ARMC2: variants seen among roughly 807,000 people sequenced by gnomAD.
The protein encoded by ARMC2 is armadillo repeat-containing protein 2.
Under a neutral mutation model 90.3 loss-of-function variants are expected in ARMC2, and 67 were observed. That is an observed-to-expected ratio of 0.74 (90% CI 0.61 to 0.91). The LOEUF (loss-of-function observed/expected upper bound fraction) is 0.91, where lower values mean the gene tolerates loss of function less well. ARMC2 is among the 40% of genes least tolerant of loss of function. The probability of loss-of-function intolerance (pLI) is 0.00; values close to 1 mark genes in which losing one functional copy is unlikely to be tolerated. For missense variants in ARMC2, 920 were observed against 1,030.9 expected (o/e 0.89, Z 1.47); for synonymous variants, 393 against 393.0 (o/e 1.00, Z 0.00).
At chr6:109,009,494 C>T in the ARMC2 span, 73 of 1,227,224 alleles carry the variant, frequency 5.9e-5, no homozygotes, top group Admixed American at 8.7e-5. Context: ...CGCGCGGAGG[C>T]GGCGAGCGCT....
At chr6:108,857,440 G>T (rs931326364) in intron 2 of ARMC2, among the ~76,000 whole-genome samples, 4 of 152,074 alleles carry the variant, frequency 2.6e-5, no homozygotes, top group Admixed American at 1.3e-4. Context: ...TTTCTACATA[G>T]ATAATCCTGT....
chr6:109,051,275 A>G, the ARMC2 span, among the ~76,000 whole-genome samples: 2 of 152,208 alleles, frequency 1.3e-5, no homozygotes, highest in African/African-American at 2.4e-5. Context: ...ATTTCAGAGG[A>G]TCAGAATATT....
chr6:109,021,153 G>A, the ARMC2 span, among the ~76,000 whole-genome samples: 1 of 151,972 alleles, frequency 6.6e-6, no homozygotes, highest in Non-Finnish European at 1.5e-5. Flanking sequence ...CACCATGACT[G>A]TCTTAATATT....
intron 12 of ARMC2, among the ~76,000 whole-genome samples, chr6:108,949,368 A>G (rs551828090): frequency 1.8e-4 from 27 of 152,268 alleles, no homozygotes; most frequent in Non-Finnish European, 3.8e-4. Context: ...TAATTTGTAT[A>G]TATAAATGCT....
intron 11 of ARMC2, among the ~76,000 whole-genome samples, chr6:108,933,831 G>T (rs1411737148): frequency 6.6e-6 from 1 of 152,002 alleles, no homozygotes; most frequent in Non-Finnish European, 1.5e-5. Flanking sequence ...TTATTTTGAG[G>T]TCTGTTCCTT....
intron 12 of ARMC2, among the ~76,000 whole-genome samples, chr6:108,951,713 G>T (rs905104708): frequency 6.6e-6 from 1 of 152,214 alleles, no homozygotes; most frequent in African/African-American, 2.4e-5. Context: ...GCCCCTCACG[G>T]GGCCCCTGGC....
intron 8 of ARMC2, among the ~76,000 whole-genome samples, chr6:108,904,750 C>G (rs1772504952): frequency 1.3e-5 from 2 of 152,140 alleles, no homozygotes; most frequent in Admixed American, 1.3e-4. Context: ...AATAACTTGA[C>G]TGGAGATCAG....
chr6:109,036,424 A>G, the ARMC2 span, among the ~76,000 whole-genome samples: 1 of 152,212 alleles, frequency 6.6e-6, no homozygotes, highest in Non-Finnish European at 1.5e-5. Context: ...TTTGCCTAAT[A>G]AAAGATGGCA....
At chr6:108,914,199 C>G (rs758525875) in intron 10 of ARMC2, among the ~76,000 whole-genome samples, 12 of 152,012 alleles carry the variant, frequency 7.9e-5, no homozygotes, top group Non-Finnish European at 1.3e-4. Flanking sequence ...CACCCACACA[C>G]ATATGATCAG....
Position 108,848,471 on chromosome 6 carries a change from C to T in ARMC2, c.-119C>T, listed in dbSNP as rs556160478. On this transcript the variant is annotated 5_prime_UTR_variant, in exon 1 of 18. Coordinates refer to ENST00000392644, the MANE Select transcript of ARMC2 (RefSeq NM_032131.6). ...TACCCCGCCCGCGCCAGCGCTGCAT[C>T]CCTGGCCGCTACCCGGGGAGAGCCG... 1 of 152,426 alleles carries T rather than the reference C, an allele frequency of 6.6e-6. No individual in the cohort carries two copies. Among genetic ancestry groups the T allele is most frequent in the South Asian group, 2.1e-4 (1 of 4,844 alleles). The allele number at this position is 152,426 out of a possible 1,614,324, so 9.4% of individuals were successfully genotyped here.
rs778306461 is a variant in ARMC2 at position 108,973,452 on chromosome 6, C to T, written c.2542C>T (p.Leu848Phe). The change falls in exon 18 of 18, where the codon CTT (leucine) becomes TTT (phenylalanine). Residue 848 changes from leucine (L) to phenylalanine (F), a missense_variant. Leu to Phe is a conservative substitution (Grantham distance 22). Transcript: ENST00000392644. Reference sequence around the variant, plus strand: ...AGAATTCAAACCTGTGGCACAGCAGCTTCTAAACCGAATTCAGAGACATCA... The same window carrying T: ...AGAATTCAAACCTGTGGCACAGCAGTTTCTAAACCGAATTCAGAGACATCA... ...ETEFKPVAQQ[L>F]LNRIQRHHTF... 6.2e-7 allele frequency: 1 copy of T among 1,613,868 alleles called. No homozygotes were observed. Among genetic ancestry groups the T allele is most frequent in the Admixed American group, 1.7e-5 (1 of 60,022 alleles).
At chr6:109,012,583 A>G in the ARMC2 span, among the ~76,000 whole-genome samples, 1 of 152,194 alleles carries the variant, frequency 6.6e-6, no homozygotes, top group Non-Finnish European at 1.5e-5. Context: ...GTGGTTCAAG[A>G]TAGGCTTCCT....
intron 13 of ARMC2, 84 bp downstream of exon 13, chr6:108,953,435 A>C: frequency 7.3e-7 from 1 of 1,374,316 alleles, no homozygotes; most frequent in Non-Finnish European, 9.7e-7. Context: ...TGGTGTGATG[A>C]GGATTTTATT....
At chr6:108,960,268 C>T (rs1777895682) in intron 13 of ARMC2, among the ~76,000 whole-genome samples, 1 of 152,222 alleles carries the variant, frequency 6.6e-6, no homozygotes, top group South Asian at 2.1e-4. Flanking sequence ...CTGCCAAGCA[C>T]AGTCTCCACT....
intron 5 of ARMC2, among the ~76,000 whole-genome samples, chr6:108,884,699 A>G (rs2128447289): frequency 6.6e-6 from 1 of 152,316 alleles, no homozygotes; most frequent in South Asian, 2.1e-4. Context: ...CACATGACAG[A>G]TGGCCTTCAA....
intron 3 of ARMC2, among the ~76,000 whole-genome samples, chr6:108,862,848 C>G (rs1185734771): frequency 6.6e-6 from 1 of 152,236 alleles, no homozygotes; most frequent in Non-Finnish European, 1.5e-5. Context: ...CACCAGCAGT[C>G]AGTCAGGGAA....
At chr6:109,015,762 ACT>A in the ARMC2 span, among the ~76,000 whole-genome samples, 2 of 152,148 alleles carry the variant, frequency 1.3e-5, no homozygotes, top group Admixed American at 6.5e-5. Context: ...AAATATACAA[ACT>A]CAAAAAAGGC....
At chr6:108,856,940 C>T (rs960633334) in intron 2 of ARMC2, among the ~76,000 whole-genome samples, 1 of 152,178 alleles carries the variant, frequency 6.6e-6, no homozygotes, top group African/African-American at 2.4e-5. Context: ...TCTTTTCTTT[C>T]ACCAGTACTA....
At chr6:108,929,201 T>C (rs2128487229) in intron 11 of ARMC2, among the ~76,000 whole-genome samples, 1 of 152,212 alleles carries the variant, frequency 6.6e-6, no homozygotes, top group South Asian at 2.1e-4. Flanking sequence ...ACCTAATTAC[T>C]ACCTATCTAA....
Sources: gnomAD v4.1 joint callset for allele counts (sites outside exome capture counted in the v4.1 genomes callset) on GRCh38, gnomAD v4.1.1 for gene constraint, MANE v1.5 for transcripts, NCBI Gene and HGNC (gene_info 2026-07-23, HGNC 2026-07-21) for gene names.